EVI5: variants seen among roughly 807,000 people sequenced by gnomAD.
The protein encoded by EVI5 is ecotropic viral integration site 5.
A neutral mutation model predicts 112.0 loss-of-function variants in EVI5; 73 were observed. The ratio of observed to expected loss-of-function variants is 0.65; its 90% CI spans 0.54 to 0.79. EVI5 has a LOEUF of 0.79. Among genes scored for constraint, EVI5 ranks in the 30% least tolerant of loss-of-function variants. The probability of loss-of-function intolerance (pLI) is 0.00; values close to 1 mark genes in which losing one functional copy is unlikely to be tolerated. For synonymous variants in EVI5, 305 were observed against 319.9 expected (o/e 0.95, Z 0.50); for missense variants, 900 against 968.8 (o/e 0.93, Z 0.94).
chr1:92,627,596 C>G lies in EVI5; in HGVS notation c.1528-1662G>C, dbSNP rs570087068. 2.0e-4 allele frequency among the ~76,000 whole-genome samples: 31 copies of G among 152,300 alleles called. No individual in the cohort carries two copies. In the East Asian group the frequency reaches 5.8e-3, roughly 28 times the overall value. On this transcript the variant is annotated intron_variant, in intron 14 of 19. Coordinates refer to ENST00000684568, the MANE Select transcript of EVI5 (RefSeq NM_001350197.2). ...TTCTACTTTTAGTTCTTTAAGGAAT[C>G]TCCACACTGTTTTCCATAGTGGCAG...
chr1:92,716,180 T>G (rs1033225748), intron 2 of EVI5, among the ~76,000 whole-genome samples: 1 of 152,096 alleles, frequency 6.6e-6, no homozygotes, highest in African/African-American at 2.4e-5. Flanking sequence ...CTGACCCCCA[T>G]GTAGCCTAAC....
upstream of EVI5, among the ~76,000 whole-genome samples, chr1:92,789,568 C>T (rs1389209110): frequency 6.6e-6 from 1 of 152,176 alleles, no homozygotes; most frequent in African/African-American, 2.4e-5. Context: ...TCCCAAAGTG[C>T]TGAGATTACA....
chr1:92,707,037 G>T (rs1415919222), intron 2 of EVI5, among the ~76,000 whole-genome samples: 1 of 151,760 alleles, frequency 6.6e-6, no homozygotes, highest in Non-Finnish European at 1.5e-5. Context: ...AAATTAGCCG[G>T]GCATGGTGGC....
chr1:92,519,577 C>A (rs1347378389), intron 19 of EVI5, among the ~76,000 whole-genome samples: 1 of 152,036 alleles, frequency 6.6e-6, no homozygotes, highest in Admixed American at 6.6e-5. Context: ...GAATGAAGTG[C>A]TGATATATGG....
Position 92,625,830 on chromosome 1 carries a change from A to C in EVI5, c.1632T>G (p.Leu544=), listed in dbSNP as rs200025759. ...CCTCTAAATCCTTGACTTGCTGTCT[A>C]AGTTCTTTCAAACCCATAATGGCTT... is the stretch of plus-strand genomic sequence containing the variant. The part of the protein sequence containing the change: ...EAEAIMGLKE[L]RQQVKDLEEH... The change falls in exon 15 of 20, where the codon CTT becomes CTG. Residue 544 remains leucine, a synonymous_variant. Coordinates refer to ENST00000684568, the MANE Select transcript of EVI5 (RefSeq NM_001350197.2). 2 of 1,613,168 alleles carry C rather than the reference A, an allele frequency of 1.2e-6. No individual in the cohort carries two copies. The highest frequency in any genetic ancestry group is 3.3e-4 in the Middle Eastern group (2 of 6,056).
chr1:92,679,740 G>A (rs1667302350), intron 9 of EVI5, among the ~76,000 whole-genome samples: 1 of 152,134 alleles, frequency 6.6e-6, no homozygotes. Flanking sequence ...GTACTGGTCA[G>A]GTATTTTGTA....
chr1:92,526,539 G>A (rs1254326026), intron 19 of EVI5, among the ~76,000 whole-genome samples: 2 of 152,196 alleles, frequency 1.3e-5, no homozygotes, highest in African/African-American at 2.4e-5. Context: ...GGGTGTTTGG[G>A]TTAGGGGGAG....
rs1321654470 is a variant in EVI5 at position 92,756,430 on chromosome 1, T to G, written c.-81-19803A>C. ...CACTTTCTTCTGTAGCTGCTACATG[T>G]ATGGCTTCTTCGAGGATTATACTTC... On this transcript the variant is annotated intron_variant, in intron 1 of 19. Transcript: ENST00000684568. 4 of 539,578 alleles carry G rather than the reference T, an allele frequency of 7.4e-6. No individual in the cohort carries two copies. In the African/African-American group the frequency reaches 7.7e-5, roughly 10 times the overall value. The allele number at this position is 539,578 out of a possible 1,614,324, so 33.4% of individuals were successfully genotyped here. A position where few individuals can be genotyped will look rare whatever the true frequency, so the allele number is the denominator to read the frequency against.
At chr1:92,518,759 G>C (rs879483409) in intron 19 of EVI5, among the ~76,000 whole-genome samples, 21 of 151,986 alleles carry the variant, frequency 1.4e-4, no homozygotes, top group Non-Finnish European at 2.6e-4. Context: ...GGATCAAAGT[G>C]GACCTATACC....
At chr1:92,762,044 A>G (rs1459593971) in intron 1 of EVI5, among the ~76,000 whole-genome samples, 2 of 152,196 alleles carry the variant, frequency 1.3e-5, no homozygotes, top group Non-Finnish European at 2.9e-5. Context: ...ACTATCAGAG[A>G]GAGATGGAAG....
At chr1:92,593,232 G>A (rs898921630) in intron 18 of EVI5, among the ~76,000 whole-genome samples, 2 of 152,116 alleles carry the variant, frequency 1.3e-5, no homozygotes, top group Admixed American at 1.3e-4. Flanking sequence ...ATGATCAAGT[G>A]GGTTTCATCC....
At chr1:92,685,049 G>C (rs1668276366) in intron 9 of EVI5, among the ~76,000 whole-genome samples, 1 of 151,836 alleles carries the variant, frequency 6.6e-6, no homozygotes, top group African/African-American at 2.4e-5. Context: ...TCTGGACCAA[G>C]CAGACCTACT....
intron 9 of EVI5, among the ~76,000 whole-genome samples, chr1:92,691,443 A>G (rs759563661): frequency 7.9e-5 from 12 of 152,218 alleles, no homozygotes; most frequent in Non-Finnish European, 1.3e-4. Context: ...ATGGATATTT[A>G]TTATTCTATT....
chr1:92,725,452 A>G (rs1182975702), intron 2 of EVI5, among the ~76,000 whole-genome samples: 1 of 152,232 alleles, frequency 6.6e-6, no homozygotes, highest in Non-Finnish European at 1.5e-5. Flanking sequence ...ATAGGAAAAT[A>G]GAAAATAGTC....
intron 19 of EVI5, among the ~76,000 whole-genome samples, chr1:92,550,269 T>C (rs1374132601): frequency 7.0e-6 from 1 of 143,360 alleles, no homozygotes; most frequent in Non-Finnish European, 1.5e-5. Context: ...ACACCGTATG[T>C]TCTCACTCAT....
chr1:92,653,704 C>T (rs1010557707), intron 13 of EVI5, among the ~76,000 whole-genome samples: 4 of 152,198 alleles, frequency 2.6e-5, no homozygotes, highest in Admixed American at 6.5e-5. Flanking sequence ...ACCCCCTCCC[C>T]CTCTCCATGC....
In EVI5 at chr1:92,693,702, G is replaced by A. The variant is rs374258314; in HGVS notation, c.1097+100C>T. On this transcript the variant is annotated intron_variant, in intron 9 of 19. Coordinates refer to ENST00000684568, the MANE Select transcript of EVI5 (RefSeq NM_001350197.2). ...ATGCTATATTGAAACCAATACCACCGAAGAAAATAATATAGTTCTATAACC... is the reference window on the plus strand; with the variant it reads ...ATGCTATATTGAAACCAATACCACCAAAGAAAATAATATAGTTCTATAACC... 92 of 661,820 alleles carry A rather than the reference G, an allele frequency of 1.4e-4. 1 individual carries two copies. The highest frequency in any genetic ancestry group is 1.1e-3 in the South Asian group (56 of 49,640). The allele number at this position is 661,820 out of a possible 1,614,324, so 41.0% of individuals were successfully genotyped here.
chr1:92,756,819 TG>T, intron 1 of EVI5: 1 of 516,568 alleles, frequency 1.9e-6, no homozygotes. Context: ...TTCAGGGCCT[TG>T]GGCACATGCG....
At chr1:92,564,840 T>A (rs1033430522) in intron 18 of EVI5, among the ~76,000 whole-genome samples, 3 of 152,022 alleles carry the variant, frequency 2.0e-5, no homozygotes, top group Non-Finnish European at 2.9e-5. Context: ...GCACTGCGCC[T>A]GGCTAATTTT....
Sources: allele counts gnomAD v4.1 joint callset (sites outside exome capture counted in the v4.1 genomes callset), GRCh38; gene constraint gnomAD v4.1.1; transcripts MANE v1.5; gene names NCBI Gene and HGNC (gene_info 2026-07-23, HGNC 2026-07-21).